RALY: variants seen among roughly 807,000 people sequenced by gnomAD.
The protein encoded by RALY is RALY heterogeneous nuclear ribonucleoprotein.
RALY carries 15 observed loss-of-function variants against 30.7 expected under a neutral mutation model. The observed-to-expected ratio is 0.49, with a 90% CI of 0.33 to 0.75. The LOEUF is 0.75. Among genes scored for constraint, RALY ranks in the 30% least tolerant of loss-of-function variants. RALY has a pLI of 0.02. For synonymous variants in RALY, 177 were observed against 170.8 expected, an observed-to-expected ratio of 1.04 and a Z score of -0.28; for missense variants, 339 against 414.3, an observed-to-expected ratio of 0.82 and a Z score of 1.58.
intron 9 of RALY, 39 bp downstream of exon 9, chr20:34,078,592 T>A (rs762543410): frequency 1.3e-6 from 2 of 1,502,200 alleles, no homozygotes; most frequent in Admixed American, 2.2e-5. Context: ...GGGTGGGGAA[T>A]CAGTGAAGTG....
intron 1 of RALY, among the ~76,000 whole-genome samples, chr20:34,028,655 G>A (rs908434000): frequency 3.3e-5 from 4 of 120,706 alleles, no homozygotes; most frequent in African/African-American, 1.3e-4. Flanking sequence ...AGTGAGCCTA[G>A]ATCGTGTCAC....
chr20:33,995,058 C>T (rs1202178993), intron 1 of RALY, among the ~76,000 whole-genome samples: 1 of 152,134 alleles, frequency 6.6e-6, no homozygotes, highest in Non-Finnish European at 1.5e-5. Flanking sequence ...TCTCTTAGTG[C>T]AGAGGGTATT....
intron 1 of RALY, among the ~76,000 whole-genome samples, chr20:34,009,201 A>ATTTGT (rs1568652016): frequency 2.7e-5 from 4 of 150,538 alleles, no homozygotes; most frequent in African/African-American, 4.9e-5. Context: ...TCTACCAGGG[A>ATTTGT]TTTGTTTTGT....
At chr20:34,041,582 G>T (rs1369196493) in intron 2 of RALY, among the ~76,000 whole-genome samples, 1 of 152,018 alleles carries the variant, frequency 6.6e-6, no homozygotes, top group African/African-American at 2.4e-5. Flanking sequence ...CTGCCCTCTT[G>T]TCCCCCTCCT....
At chr20:34,060,691 A>G (rs1299429485) in intron 2 of RALY, among the ~76,000 whole-genome samples, 2 of 152,202 alleles carry the variant, frequency 1.3e-5, no homozygotes, top group Non-Finnish European at 2.9e-5. Context: ...CACAGGAGTA[A>G]GGATTCAGGC....
intron 2 of RALY, among the ~76,000 whole-genome samples, chr20:34,056,742 C>T (rs373637733): frequency 1.7e-4 from 26 of 152,296 alleles, no homozygotes; most frequent in African/African-American, 5.5e-4. Context: ...TTCACCTCTA[C>T]TCTCCCTACC....
chr20:34,071,998 A>T (rs2033740670), intron 2 of RALY, 68 bp from the exon 3 acceptor site: 2 of 1,538,388 alleles, frequency 1.3e-6, no homozygotes, highest in South Asian at 1.2e-5. Flanking sequence ...TTTATCCAGG[A>T]TATGGGCCGT....
chr20:34,009,865 CACTT>C (rs934058672), intron 1 of RALY, among the ~76,000 whole-genome samples: 8 of 152,196 alleles, frequency 5.3e-5, no homozygotes, highest in Admixed American at 5.2e-4. Context: ...TTTTGGGAAA[CACTT>C]GGTCAATTCA....
intron 1 of RALY, among the ~76,000 whole-genome samples, chr20:34,024,768 T>A (rs973207996): frequency 2.6e-5 from 4 of 151,938 alleles, no homozygotes; most frequent in Non-Finnish European, 4.4e-5. Context: ...TGTGAGGTCA[T>A]TTTTTTTACC....
chr20:34,029,973 C>T (rs1368209911), intron 1 of RALY: 1 of 152,204 alleles, frequency 6.6e-6, no homozygotes, highest in East Asian at 1.9e-4. Context: ...TTTGAGATTA[C>T]AGTAGCTAGA....
intron 1 of RALY, among the ~76,000 whole-genome samples, chr20:33,995,286 G>C (rs1048732707): frequency 1.3e-5 from 2 of 152,166 alleles, no homozygotes; most frequent in Non-Finnish European, 2.9e-5. Flanking sequence ...ATTCCCTGGG[G>C]TTTTGGCTCA....
At chr20:33,996,197 G>C (rs2030620127) in intron 1 of RALY, among the ~76,000 whole-genome samples, 1 of 152,170 alleles carries the variant, frequency 6.6e-6, no homozygotes, top group Non-Finnish European at 1.5e-5. Context: ...ACTTGCCTTA[G>C]ATGACAGAAT....
intron 2 of RALY, among the ~76,000 whole-genome samples, chr20:34,068,615 C>T (rs2033643356): frequency 2.0e-5 from 3 of 152,138 alleles, no homozygotes; most frequent in Admixed American, 2.0e-4. Context: ...GACCCATGTA[C>T]CATATGTTTA....
chr20:34,058,060 T>A (rs1261081174), intron 2 of RALY, among the ~76,000 whole-genome samples: 1 of 151,896 alleles, frequency 6.6e-6, no homozygotes. Flanking sequence ...TAGAAGCTTG[T>A]TTAGTGTAGT....
At chr20:34,000,678 G>T (rs2030872260) in intron 1 of RALY, among the ~76,000 whole-genome samples, 1 of 152,198 alleles carries the variant, frequency 6.6e-6, no homozygotes, top group Non-Finnish European at 1.5e-5. Flanking sequence ...CTATTCTGGG[G>T]TTGGGGTAGG....
At chr20:34,068,424 G>A (rs779670461) in intron 2 of RALY, among the ~76,000 whole-genome samples, 2 of 152,146 alleles carry the variant, frequency 1.3e-5, no homozygotes, top group East Asian at 3.9e-4. Flanking sequence ...TGGTATCTGG[G>A]ACCTCTGCCC....
chr20:34,078,112 A>T (rs1044046501), intron 8 of RALY, among the ~76,000 whole-genome samples: 47 of 152,192 alleles, frequency 3.1e-4, no homozygotes, highest in African/African-American at 1.1e-3. Context: ...CTCTCCTTTG[A>T]GCGTAGCCTG....
chr20:34,032,500 T>G (rs2032321344), intron 2 of RALY, among the ~76,000 whole-genome samples: 2 of 93,032 alleles, frequency 2.1e-5, no homozygotes, highest in Non-Finnish European at 4.1e-5. Context: ...CAAAATCCCT[T>G]TTTGTGTGTT....
At chr20:34,041,250 A>G (rs1171400250) in intron 2 of RALY, among the ~76,000 whole-genome samples, 2 of 152,372 alleles carry the variant, frequency 1.3e-5, no homozygotes, top group South Asian at 2.1e-4. Context: ...CTCAACCGTG[A>G]TAAGTCTCCT....
Sources: gnomAD v4.1 joint callset for allele counts (sites outside exome capture counted in the v4.1 genomes callset) on GRCh38, gnomAD v4.1.1 for gene constraint, MANE v1.5 for transcripts, NCBI Gene and HGNC (gene_info 2026-07-23, HGNC 2026-07-21) for gene names.